The following NRG1 variants were observed in gnomAD, a reference collection of about 807,000 sequenced individuals.
The protein encoded by NRG1 is neuregulin 1, also known as pro-neuregulin-1, membrane-bound isoform.
In NRG1, 18 loss-of-function variants were observed where a neutral mutation model predicts 63.8. The ratio of observed to expected loss-of-function variants is 0.28; its 90% CI spans 0.19 to 0.42. The LOEUF (loss-of-function observed/expected upper bound fraction) is 0.42. Ranked by LOEUF, NRG1 falls within the 10% of genes least tolerant of loss-of-function variation. NRG1 has a pLI of 1.00. For synonymous variants in NRG1, 302 were observed against 301.3 expected, an observed-to-expected ratio of 1.00 and a Z score of -0.02; for missense variants, 762 against 814.7, an observed-to-expected ratio of 0.94 and a Z score of 0.79.
chr8:32,773,272 A>G (rs764071250), intron 7 of NRG1, among the ~76,000 whole-genome samples: 3 of 152,180 alleles, frequency 2.0e-5, no homozygotes, highest in Non-Finnish European at 4.4e-5. Context: ...ACAACATGAA[A>G]ATATGCTAAT....
chr8:31,740,506 A>G (rs1411710737), intron 1 of NRG1, among the ~76,000 whole-genome samples: 1 of 152,040 alleles, frequency 6.6e-6, no homozygotes, highest in East Asian at 1.9e-4. Flanking sequence ...TTTTAAATAG[A>G]AGAAAATGAT....
At chr8:31,650,827 G>A (rs1219880269) in intron 1 of NRG1, among the ~76,000 whole-genome samples, 2 of 152,152 alleles carry the variant, frequency 1.3e-5, no homozygotes, top group African/African-American at 4.8e-5. Flanking sequence ...AAAGTGCCCT[G>A]GCCTCGAGTC....
intron 1 of NRG1, among the ~76,000 whole-genome samples, chr8:32,332,012 G>A (rs1188941251): frequency 1.3e-5 from 2 of 151,988 alleles, no homozygotes; most frequent in African/African-American, 2.4e-5. Context: ...GTGGCCAGGA[G>A]TGGTGGCTCA....
At chr8:32,487,896 C>G (rs925410875) in intron 1 of NRG1, among the ~76,000 whole-genome samples, 6 of 152,194 alleles carry the variant, frequency 3.9e-5, no homozygotes, top group African/African-American at 9.7e-5. Flanking sequence ...TTACATGCAG[C>G]CTTCAGTCAT....
At chr8:31,737,129 G>C (rs1363134471) in intron 1 of NRG1, among the ~76,000 whole-genome samples, 1 of 152,130 alleles carries the variant, frequency 6.6e-6, no homozygotes. Context: ...ATGTAACATA[G>C]ATTTTATTCC....
intron 5 of NRG1, among the ~76,000 whole-genome samples, chr8:32,646,197 C>A (rs965799573): frequency 2.6e-5 from 4 of 152,120 alleles, no homozygotes; most frequent in African/African-American, 9.7e-5. Flanking sequence ...TCAAAGGGGA[C>A]CACAGCAGGG....
chr8:31,736,569 A>G (rs920716423), intron 1 of NRG1, among the ~76,000 whole-genome samples: 2 of 150,738 alleles, frequency 1.3e-5, no homozygotes, highest in African/African-American at 5.0e-5. Flanking sequence ...CAAAACCAAG[A>G]AAAAAAAACT....
chr8:32,226,323 T>C (rs1300318967), intron 1 of NRG1, among the ~76,000 whole-genome samples: 1 of 152,154 alleles, frequency 6.6e-6, no homozygotes, highest in African/African-American at 2.4e-5. Flanking sequence ...AAATTTGGCA[T>C]AAAATTATGC....
At chr8:31,816,334 A>C (rs540978745) in intron 1 of NRG1, among the ~76,000 whole-genome samples, 1 of 152,238 alleles carries the variant, frequency 6.6e-6, no homozygotes, top group East Asian at 1.9e-4. Context: ...ATGACGGTCT[A>C]CCCCACAGAT....
chr8:31,887,009 A>G (rs1169726103), intron 1 of NRG1, among the ~76,000 whole-genome samples: 2 of 152,012 alleles, frequency 1.3e-5, no homozygotes, highest in South Asian at 2.1e-4. Flanking sequence ...TCTTGCTATC[A>G]CGGTAATTAC....
intron 1 of NRG1, among the ~76,000 whole-genome samples, chr8:31,987,296 C>CA (rs573116880): frequency 0.14 from 11,140 of 77,648 alleles, 1,645 homozygotes; most frequent in African/African-American, 0.39. Context: ...GAGACTGTCT[C>CA]AAAAAAAAAA....
intron 10 of NRG1, among the ~76,000 whole-genome samples, chr8:32,759,849 G>C (rs1037914237): frequency 6.6e-6 from 1 of 152,114 alleles, no homozygotes; most frequent in African/African-American, 2.4e-5. Context: ...ACTCTACCAA[G>C]ACCAACACTA....
chr8:31,923,311 A>G (rs546802752), intron 1 of NRG1, among the ~76,000 whole-genome samples: 5 of 152,292 alleles, frequency 3.3e-5, no homozygotes, highest in East Asian at 1.9e-4. Context: ...CATATCAAAT[A>G]TTAGACCAAT....
At chr8:32,606,530 G>C (rs1452778460) in intron 3 of NRG1, among the ~76,000 whole-genome samples, 2 of 152,064 alleles carry the variant, frequency 1.3e-5, no homozygotes, top group Admixed American at 1.3e-4. Flanking sequence ...CGATGGCTTT[G>C]TGTTTTGTAA....
At chr8:32,046,497 A>G (rs115262935) in intron 1 of NRG1, among the ~76,000 whole-genome samples, 1,709 of 152,200 alleles carry the variant, frequency 0.011, 27 homozygotes, top group African/African-American at 0.037. Flanking sequence ...CCATATGTGA[A>G]TATTTATAGT....
At chr8:31,709,558 A>G (rs1811530031) in intron 1 of NRG1, among the ~76,000 whole-genome samples, 1 of 152,012 alleles carries the variant, frequency 6.6e-6, no homozygotes, top group African/African-American at 2.4e-5. Context: ...ATGTGGTAGA[A>G]TTTTCCTAGA....
chr8:32,053,584 T>A (rs566915499), intron 1 of NRG1, among the ~76,000 whole-genome samples: 3 of 152,306 alleles, frequency 2.0e-5, no homozygotes, highest in South Asian at 2.1e-4. Flanking sequence ...ATGTGTTTAG[T>A]TATCAAACAT....
intron 1 of NRG1, among the ~76,000 whole-genome samples, chr8:31,852,847 C>A (rs1219134008): frequency 2.0e-5 from 3 of 152,198 alleles, no homozygotes; most frequent in Non-Finnish European, 4.4e-5. Flanking sequence ...GTTTTCCCAG[C>A]ACCATTTATT....
At chr8:32,339,559 C>G (rs577663930) in intron 1 of NRG1, among the ~76,000 whole-genome samples, 2 of 152,294 alleles carry the variant, frequency 1.3e-5, no homozygotes, top group South Asian at 4.1e-4. Context: ...TAGGAATGAT[C>G]ATAGTTACAA....
Sources: gnomAD v4.1 joint callset for allele counts (sites outside exome capture counted in the v4.1 genomes callset) on GRCh38, gnomAD v4.1.1 for gene constraint, MANE v1.5 for transcripts, NCBI Gene and HGNC (gene_info 2026-07-23, HGNC 2026-07-21) for gene names.